Variants in TMCC1 observed in about 807,000 individuals in gnomAD.
TMCC1 encodes the protein transmembrane and coiled-coil domains protein 1.
In TMCC1, 15 loss-of-function variants were observed where a neutral mutation model predicts 52.4. The observed-to-expected ratio is 0.29, with a 90% CI of 0.19 to 0.44. TMCC1 has a LOEUF of 0.44. Ranked by LOEUF, TMCC1 falls within the 20% of genes least tolerant of loss-of-function variation. The probability of loss-of-function intolerance (pLI) is 1.00; values close to 1 mark genes in which losing one functional copy is unlikely to be tolerated. For synonymous variants in TMCC1, 279 were observed against 301.9 expected (o/e 0.92, Z 0.79); for missense variants, 503 against 806.0 (o/e 0.62, Z 4.55).
intron 4 of TMCC1, among the ~76,000 whole-genome samples, chr3:129,797,000 C>T (rs2107762731): frequency 6.6e-6 from 1 of 152,248 alleles, no homozygotes; most frequent in South Asian, 2.1e-4. Flanking sequence ...ATCCAATTAT[C>T]ACCAAATAGG....
At chr3:129,877,461 T>A (rs1235468403) in intron 2 of TMCC1, among the ~76,000 whole-genome samples, 1 of 152,206 alleles carries the variant, frequency 6.6e-6, no homozygotes, top group Non-Finnish European at 1.5e-5. Context: ...GTTCTTCAAC[T>A]GCTTCTTACT....
intron 4 of TMCC1, among the ~76,000 whole-genome samples, chr3:129,690,247 C>A (rs1399358963): frequency 6.6e-6 from 1 of 152,110 alleles, no homozygotes; most frequent in Non-Finnish European, 1.5e-5. Context: ...TCTCAAAAAT[C>A]ACTTATTGTA....
intron 4 of TMCC1, among the ~76,000 whole-genome samples, chr3:129,747,006 T>C (rs1413025004): frequency 1.3e-5 from 2 of 152,216 alleles, no homozygotes; most frequent in Non-Finnish European, 2.9e-5. Flanking sequence ...GAATAAATCA[T>C]TGCTGTGAAA....
chr3:129,666,706 C>T (rs1332582336), intron 5 of TMCC1, among the ~76,000 whole-genome samples: 2 of 151,898 alleles, frequency 1.3e-5, no homozygotes, highest in African/African-American at 4.8e-5. Context: ...CACCACTGCA[C>T]TCCAGCCTGG....
intron 1 of TMCC1, among the ~76,000 whole-genome samples, chr3:129,890,748 G>A (rs1032912785): frequency 4.5e-4 from 68 of 152,172 alleles, no homozygotes; most frequent in African/African-American, 1.6e-3. Context: ...ATATTCGTAA[G>A]AATTTTATAC....
chr3:129,752,309 G>C (rs2052599115), intron 4 of TMCC1, among the ~76,000 whole-genome samples: 1 of 152,050 alleles, frequency 6.6e-6, no homozygotes, highest in African/African-American at 2.4e-5. Context: ...CACTAGAACG[G>C]AATTTTTGAT....
At chr3:129,715,114 CCTTT>C (rs901122833) in intron 4 of TMCC1, among the ~76,000 whole-genome samples, 1 of 152,156 alleles carries the variant, frequency 6.6e-6, no homozygotes, top group Admixed American at 6.5e-5. Context: ...TCCCACTCTT[CCTTT>C]TTTTTCTCAC....
At chr3:129,885,308 G>T (rs1316518765) in intron 1 of TMCC1, among the ~76,000 whole-genome samples, 2 of 152,076 alleles carry the variant, frequency 1.3e-5, no homozygotes, top group Non-Finnish European at 2.9e-5. Context: ...AAGCAAAGGT[G>T]TCAAAGCAAT....
At chr3:129,661,541 G>C (rs1423902613) in intron 5 of TMCC1, among the ~76,000 whole-genome samples, 1 of 152,200 alleles carries the variant, frequency 6.6e-6, no homozygotes, top group East Asian at 1.9e-4. Flanking sequence ...CCTGTTATTA[G>C]ATTATTGTCT....
intron 2 of TMCC1, among the ~76,000 whole-genome samples, chr3:129,844,036 A>C (rs1436877181): frequency 2.6e-5 from 4 of 152,202 alleles, no homozygotes; most frequent in African/African-American, 9.6e-5. Context: ...CATCTAGGCT[A>C]AGTAGGGTTT....
At chr3:129,747,507 C>T (rs899614716) in intron 4 of TMCC1, among the ~76,000 whole-genome samples, 1 of 151,992 alleles carries the variant, frequency 6.6e-6, no homozygotes, top group Non-Finnish European at 1.5e-5. Flanking sequence ...CACAATATTC[C>T]TATCTAATAC....
chr3:129,684,023 T>C (rs758106364), intron 4 of TMCC1, among the ~76,000 whole-genome samples: 4 of 152,224 alleles, frequency 2.6e-5, no homozygotes, highest in Non-Finnish European at 4.4e-5. Flanking sequence ...ATGCCTGCTG[T>C]ATATACTGTC....
intron 4 of TMCC1, among the ~76,000 whole-genome samples, chr3:129,760,728 C>A (rs1361295436): frequency 6.6e-6 from 1 of 151,706 alleles, no homozygotes; most frequent in Non-Finnish European, 1.5e-5. Flanking sequence ...CTGCCCGCCT[C>A]GGGCTTCCAA....
At position 129,651,945 on chromosome 3, in the gene TMCC1, G is replaced by T; in HGVS notation, c.1648-150C>A. ...CTTGAATGAATGTAAAAGGCTAGAT[G>T]TATAACTCACTATTCAAGTGATTAT... On this transcript the variant is annotated intron_variant, in intron 6 of 6. Transcript: ENST00000393238. The surrounding 1 kb of genome is among the most constrained non-coding windows in gnomAD (Gnocchi z 5.1). 1 of 918,396 alleles carries T rather than the reference G, an allele frequency of 1.1e-6. No homozygotes were observed. The highest frequency in any genetic ancestry group is 1.6e-6 in the Non-Finnish European group (1 of 629,202). The allele number at this position is 918,396 out of a possible 1,614,324, so 56.9% of individuals were successfully genotyped here.
At chr3:129,818,223 A>G (rs555419938) in intron 4 of TMCC1, among the ~76,000 whole-genome samples, 156 of 152,216 alleles carry the variant, frequency 1.0e-3, no homozygotes, top group African/African-American at 3.4e-3. Flanking sequence ...GATCACAGGT[A>G]TGAGCCCCAG....
intron 4 of TMCC1, among the ~76,000 whole-genome samples, chr3:129,711,160 A>C (rs533075392): frequency 6.6e-6 from 1 of 152,226 alleles, no homozygotes; most frequent in Admixed American, 6.5e-5. Context: ...CACTGCACCA[A>C]GCCATGTTCA....
intron 5 of TMCC1, among the ~76,000 whole-genome samples, chr3:129,660,464 T>C (rs1402224709): frequency 1.3e-5 from 2 of 152,246 alleles, no homozygotes; most frequent in African/African-American, 2.4e-5. Flanking sequence ...TAAGTCTTCA[T>C]TTCTTTATGT....
At chr3:129,698,919 G>T (rs915435757) in intron 4 of TMCC1, among the ~76,000 whole-genome samples, 2 of 152,056 alleles carry the variant, frequency 1.3e-5, no homozygotes. Context: ...CAATATAGAA[G>T]AAGGTGAGAA....
intron 2 of TMCC1, among the ~76,000 whole-genome samples, chr3:129,872,696 A>G (rs1050909871): frequency 3.9e-5 from 6 of 152,156 alleles, no homozygotes; most frequent in African/African-American, 1.4e-4. Context: ...AGCCAACATA[A>G]TGAGGAAAAT....
Sources: allele counts gnomAD v4.1 joint callset (sites outside exome capture counted in the v4.1 genomes callset), GRCh38; gene constraint gnomAD v4.1.1; non-coding constraint Gnocchi (gnomAD v3.1); transcripts MANE v1.5; gene names NCBI Gene and HGNC (gene_info 2026-07-23, HGNC 2026-07-21).